The following RBFOX3 variants were observed in gnomAD, a reference collection of about 807,000 sequenced individuals.
The protein encoded by RBFOX3 is RNA binding fox-1 homolog 3.
Under a neutral mutation model 48.7 loss-of-function variants are expected in RBFOX3, and 17 were observed. The ratio of observed to expected loss-of-function variants is 0.35; its 90% CI spans 0.24 to 0.52. RBFOX3 has a LOEUF of 0.52. Ranked by LOEUF, RBFOX3 falls within the 20% of genes least tolerant of loss-of-function variation. The probability of loss-of-function intolerance (pLI) is 0.94; values close to 1 mark genes in which losing one functional copy is unlikely to be tolerated. For missense variants in RBFOX3, 382 were observed against 497.5 expected (o/e 0.77, Z 2.21); for synonymous variants, 212 against 209.5 (o/e 1.01, Z -0.10).
In RBFOX3 at chr17:79,490,932, T is replaced by C. The variant is rs921431821; in HGVS notation, c.-319-8334A>G. 1.2e-4 allele frequency among the ~76,000 whole-genome samples: 17 copies of C among 147,718 alleles called. 1 individual carries two copies. The highest frequency in any genetic ancestry group is 2.4e-4 in the Non-Finnish European group (16 of 67,252). ...AGAGTGAAGAGCCAATAGAGAGACA[T>C]GGGTGACGGGTGTCTAGGAACCTAA... On this transcript the variant is annotated intron_variant, in intron 1 of 14. Coordinates refer to ENST00000693108, the MANE Select transcript of RBFOX3 (RefSeq NM_001350451.2).
chr17:79,142,698 T>A (rs2042150399), intron 4 of RBFOX3, among the ~76,000 whole-genome samples: 1 of 152,164 alleles, frequency 6.6e-6, no homozygotes, highest in African/African-American at 2.4e-5. Context: ...TGGGCTCCTC[T>A]GAACAGGCCG....
intron 4 of RBFOX3, among the ~76,000 whole-genome samples, chr17:79,165,092 G>A (rs923307722): frequency 6.6e-6 from 1 of 152,186 alleles, no homozygotes; most frequent in Non-Finnish European, 1.5e-5. Context: ...AGGGTGGGAG[G>A]GGGAGGCATG....
At chr17:79,567,719 C>T (rs1206669793) in intron 1 of RBFOX3, among the ~76,000 whole-genome samples, 4 of 152,152 alleles carry the variant, frequency 2.6e-5, no homozygotes, top group African/African-American at 4.8e-5. Flanking sequence ...TTAGGGCTGT[C>T]GTAAGGATTT....
At chr17:79,430,072 G>T (rs577027256) in intron 2 of RBFOX3, among the ~76,000 whole-genome samples, 3 of 152,122 alleles carry the variant, frequency 2.0e-5, no homozygotes, top group African/African-American at 4.8e-5. Context: ...AGACATCAGC[G>T]CACCAACCCA....
At chr17:79,442,527 C>T (rs1173861482) in intron 2 of RBFOX3, among the ~76,000 whole-genome samples, 3 of 151,766 alleles carry the variant, frequency 2.0e-5, no homozygotes, top group African/African-American at 4.8e-5. Flanking sequence ...CTCCAAATGG[C>T]GGTGGCTGCT....
chr17:79,419,070 A>G (rs1489646136), intron 2 of RBFOX3, among the ~76,000 whole-genome samples: 2 of 152,182 alleles, frequency 1.3e-5, no homozygotes, highest in African/African-American at 4.8e-5. Flanking sequence ...GCTGTAAATT[A>G]GCAGGCAACA....
At chr17:79,592,950 A>C (rs1451660982) in intron 1 of RBFOX3, among the ~76,000 whole-genome samples, 1 of 151,856 alleles carries the variant, frequency 6.6e-6, no homozygotes, top group Non-Finnish European at 1.5e-5. Context: ...GGCCCCCTGC[A>C]CTCCTGACCT....
intron 3 of RBFOX3, among the ~76,000 whole-genome samples, chr17:79,245,572 C>G (rs1364303472): frequency 6.7e-6 from 1 of 148,578 alleles, no homozygotes; most frequent in Non-Finnish European, 1.5e-5. Context: ...GAGTGATATT[C>G]CATTATATGG....
At chr17:79,236,533 C>T (rs13341645) in intron 3 of RBFOX3, among the ~76,000 whole-genome samples, 20,625 of 152,160 alleles carry the variant, frequency 0.14, 1,565 homozygotes, top group Non-Finnish European at 0.17. Context: ...TCGGGCAATC[C>T]ACCCACCTTG....
chr17:79,590,180 C>A (rs960506452), intron 1 of RBFOX3, among the ~76,000 whole-genome samples: 111 of 152,210 alleles, frequency 7.3e-4, no homozygotes, highest in Non-Finnish European at 1.2e-3. Flanking sequence ...CCGTCCTATA[C>A]CCAGGATAAG....
chr17:79,371,878 G>A (rs1350867561), intron 2 of RBFOX3, among the ~76,000 whole-genome samples: 1 of 152,116 alleles, frequency 6.6e-6, no homozygotes, highest in African/African-American at 2.4e-5. Flanking sequence ...GGAGCTGGCT[G>A]TCCCCGCAGA....
chr17:79,620,009 ATGCACACACACACG>A, the RBFOX3 span, among the ~76,000 whole-genome samples: 2 of 151,940 alleles, frequency 1.3e-5, no homozygotes, highest in African/African-American at 2.4e-5. Flanking sequence ...ACACATGCAC[ATGCACACACACACG>A]TGCACACATG....
At chr17:79,142,025 A>G (rs1033578027) in intron 4 of RBFOX3, among the ~76,000 whole-genome samples, 1 of 152,144 alleles carries the variant, frequency 6.6e-6, no homozygotes, top group African/African-American at 2.4e-5. Flanking sequence ...GCTGCCTCTG[A>G]GTTTGTGGGA....
At position 79,243,254 on chromosome 17, in the gene RBFOX3, G is replaced by A. The variant is rs1326998922; in HGVS notation, c.-73-7449C>T. ...GCTTAGAGCTGATTATTCTGCTCAG[G>A]CCAAGCACTCCCGGATAAACCCTGG... is the stretch of plus-strand genomic sequence containing the variant. On this transcript the variant is annotated intron_variant, in intron 3 of 14. Coordinates refer to ENST00000693108, the MANE Select transcript of RBFOX3 (RefSeq NM_001350451.2). The surrounding 1 kb of genome is among the most constrained non-coding windows in gnomAD (Gnocchi z 7.9). Among the ~76,000 whole-genome samples, 1 of 152,110 alleles carries A rather than the reference G, an allele frequency of 6.6e-6. No individual in the cohort carries two copies. The highest frequency in any genetic ancestry group is 1.5e-5 in the Non-Finnish European group (1 of 68,026).
chr17:79,202,689 C>A (rs1368844714), intron 4 of RBFOX3, among the ~76,000 whole-genome samples: 1 of 152,226 alleles, frequency 6.6e-6, no homozygotes, highest in African/African-American at 2.4e-5. Flanking sequence ...CTTGGCTGTG[C>A]GTGTCAGAGC....
chr17:79,555,322 G>T lies in RBFOX3; in HGVS notation c.-320+55504C>A, dbSNP rs1380042848. Among the ~76,000 whole-genome samples, 259 of 42,936 alleles carry T rather than the reference G, an allele frequency of 6.0e-3. 45 individuals are homozygous for T. The highest frequency in any genetic ancestry group is 0.022 in the Middle Eastern group (2 of 90). The allele number at this position is 42,936 out of a possible 152,430, so 28.2% of individuals were successfully genotyped here. ...GGTGATGATGGTAGTTGTGGTGGTG[G>T]TGATGGTGGTGATGATGGTAGTTGT... On this transcript the variant is annotated intron_variant, in intron 1 of 14. Transcript: ENST00000693108.
At position 79,242,524 on chromosome 17, in the gene RBFOX3, T is replaced by A. The variant is rs968493; in HGVS notation, c.-73-6719A>T. On this transcript the variant is annotated intron_variant, in intron 3 of 14. Transcript: ENST00000693108. This position sits in a 1 kb window ranked among gnomAD's most constrained non-coding sequence, Gnocchi z 5.8. ...TTTCCTCCTTCTTCTGAATAGAAAT[T>A]TGCCTTTAGAGAGGAAAGGAGGGGA... Among the ~76,000 whole-genome samples the A allele has an allele frequency of 6.6e-6, 1 of 151,522 alleles. No individual in the cohort carries two copies. The highest frequency in any genetic ancestry group is 2.4e-5 in the African/African-American group (1 of 41,212).
intron 3 of RBFOX3, among the ~76,000 whole-genome samples, chr17:79,288,858 G>C (rs990006088): frequency 7.0e-6 from 1 of 141,958 alleles, no homozygotes; most frequent in Non-Finnish European, 1.6e-5. Flanking sequence ...GGGAGAAGTA[G>C]AGTGTTCTAG....
At chr17:79,624,810 C>A in the RBFOX3 span, among the ~76,000 whole-genome samples, 100 of 140,596 alleles carry the variant, frequency 7.1e-4, 1 homozygote, top group Admixed American at 1.2e-3. Flanking sequence ...AGAAGGCACC[C>A]CCGCCCCCCA....
Sources: gnomAD v4.1 joint callset for allele counts (sites outside exome capture counted in the v4.1 genomes callset) on GRCh38, gnomAD v4.1.1 for gene constraint, Gnocchi (gnomAD v3.1) non-coding constraint, MANE v1.5 for transcripts, NCBI Gene and HGNC (gene_info 2026-07-23, HGNC 2026-07-21) for gene names.